The following L2HGDH variants were observed in gnomAD, a reference collection of about 807,000 sequenced individuals.
L2HGDH encodes the protein L-2-hydroxyglutarate dehydrogenase, also known as L-2-hydroxyglutarate dehydrogenase, mitochondrial.
A neutral mutation model predicts 51.5 loss-of-function variants in L2HGDH; 34 were observed. The observed-to-expected ratio is 0.66, with a 90% CI of 0.50 to 0.88. The LOEUF (loss-of-function observed/expected upper bound fraction) is 0.88. Among genes scored for constraint, L2HGDH ranks in the 40% least tolerant of loss-of-function variants. L2HGDH has a pLI of 0.00. For synonymous variants in L2HGDH, 198 were observed against 197.9 expected (o/e 1.00, Z -0.01); for missense variants, 558 against 571.9 (o/e 0.98, Z 0.25).
chr14:50,267,560 TTTTTTTTG>T (rs981640214), intron 8 of L2HGDH, among the ~76,000 whole-genome samples, 185 bp downstream of exon 8: 2 of 146,900 alleles, frequency 1.4e-5, no homozygotes, highest in African/African-American at 5.2e-5. Flanking sequence ...AAAGGCATTT[TTTTTTTTG>T]TTTGTTTGTT....
At position 50,242,807 on chromosome 14, in the gene L2HGDH, T is replaced by C. The variant is rs911575701; in HGVS notation, c.*4251A>G. On this transcript the variant is annotated 3_prime_UTR_variant, in exon 10 of 10. Transcript: ENST00000267436. ...TGTTTACAAGATCTTTAGATAATAG[T>C]GTATGCGCAGAAAGATGAGGAAACC... The C allele has an allele frequency of 1.0e-6, 1 of 985,232 alleles. No individual in the cohort carries two copies. The highest frequency in any genetic ancestry group is 1.2e-6 in the Non-Finnish European group (1 of 829,920). The allele number at this position is 985,232 out of a possible 1,614,324, so 61.0% of individuals were successfully genotyped here.
At chr14:50,259,210 C>T (rs915793992) in intron 9 of L2HGDH, among the ~76,000 whole-genome samples, 1 of 151,550 alleles carries the variant, frequency 6.6e-6, no homozygotes, top group Non-Finnish European at 1.5e-5. Flanking sequence ...CTCCTGGGCT[C>T]AGGCAATCCT....
At chr14:50,265,006 A>G (rs1263177763) in intron 9 of L2HGDH, among the ~76,000 whole-genome samples, 2 of 152,250 alleles carry the variant, frequency 1.3e-5, no homozygotes, top group East Asian at 3.8e-4. Context: ...CACAAGACTA[A>G]CTGGCCAGAG....
chr14:50,268,382 A>G (rs770553446), intron 7 of L2HGDH, among the ~76,000 whole-genome samples: 147 of 126,956 alleles, frequency 1.2e-3, no homozygotes, highest in Non-Finnish European at 1.9e-3. Context: ...CTGTCTCAGG[A>G]AAAAAAAAAA....
At chr14:50,284,299 T>A (rs1258019242) in intron 4 of L2HGDH, among the ~76,000 whole-genome samples, 3 of 152,244 alleles carry the variant, frequency 2.0e-5, no homozygotes, top group Non-Finnish European at 2.9e-5. Context: ...CCCAGTAGTA[T>A]ATACTATGTT....
intron 4 of L2HGDH, among the ~76,000 whole-genome samples, chr14:50,285,768 T>C (rs1890533623): frequency 6.6e-6 from 1 of 152,194 alleles, no homozygotes; most frequent in African/African-American, 2.4e-5. Context: ...CTCAAACATT[T>C]ACTGAAGGAT....
rs1378227443 is a variant in L2HGDH, at chr14:50,244,732, G to A, written c.*2326C>T. 3 of 985,306 alleles carry A rather than the reference G, an allele frequency of 3.0e-6. No homozygotes were observed. The highest frequency in any genetic ancestry group is 1.1e-4 in the East Asian group (1 of 8,832). 61.0% of individuals were successfully genotyped at this position (985,306 alleles called of 1,614,324 possible). On this transcript the variant is annotated 3_prime_UTR_variant, in exon 10 of 10. Transcript: ENST00000267436. ...TAATGGATGAGGTAGCTCAATCAATGTAATCATCAATGCTTGAAGTGAGGG... is the reference window on the plus strand; with the variant it reads ...TAATGGATGAGGTAGCTCAATCAATATAATCATCAATGCTTGAAGTGAGGG...
intron 3 of L2HGDH, among the ~76,000 whole-genome samples, chr14:50,295,703 T>G (rs2029995265): frequency 6.9e-6 from 1 of 145,726 alleles, no homozygotes; most frequent in South Asian, 2.3e-4. Context: ...ATTACAGGCA[T>G]AAGCCACTGA....
rs935442073 is a variant in L2HGDH at position 50,257,757 on chromosome 14, T to G, written c.1196+7601A>C. ...ACTAATTTGCCTAGTTCTTTTTTCT[T>G]TGGTTTTTTTTTTTCATGTTTTCAT... On this transcript the variant is annotated intron_variant, in intron 9 of 9. Coordinates refer to ENST00000267436, the MANE Select transcript of L2HGDH (RefSeq NM_024884.3). Among the ~76,000 whole-genome samples, 10 of 151,742 alleles carry G rather than the reference T, an allele frequency of 6.6e-5. 1 individual carries two copies. The highest frequency in any genetic ancestry group is 2.4e-4 in the African/African-American group (10 of 41,384).
chr14:50,311,720 C>A (rs993456148), intron 1 of L2HGDH, among the ~76,000 whole-genome samples: 3 of 152,216 alleles, frequency 2.0e-5, no homozygotes, highest in Non-Finnish European at 4.4e-5. Flanking sequence ...CACAACTGAG[C>A]CTTTAAGGAG....
intron 1 of L2HGDH, among the ~76,000 whole-genome samples, chr14:50,308,113 G>C (rs73277339): frequency 6.6e-6 from 1 of 152,086 alleles, no homozygotes; most frequent in South Asian, 2.1e-4. Flanking sequence ...TAGGCAGGCC[G>C]GGTGCGATGG....
intron 8 of L2HGDH, 129 bp downstream of exon 8, chr14:50,267,624 A>G (rs1889419984): frequency 1.4e-6 from 1 of 709,982 alleles, no homozygotes; most frequent in Non-Finnish European, 2.4e-6. Flanking sequence ...AATTTGGATT[A>G]ATACAACATT....
intron 8 of L2HGDH, among the ~76,000 whole-genome samples, chr14:50,267,220 C>T (rs1305229256): frequency 1.3e-5 from 2 of 151,334 alleles, no homozygotes; most frequent in African/African-American, 4.9e-5. Context: ...CTTGCTCTGT[C>T]GCCCAGGCTG....
intron 6 of L2HGDH, among the ~76,000 whole-genome samples, chr14:50,274,145 A>T (rs1265503286): frequency 1.4e-5 from 2 of 143,250 alleles, no homozygotes; most frequent in African/African-American, 5.1e-5. Flanking sequence ...CGGGCATGGC[A>T]GCACGTGCCT....
rs1595169898 is a variant in L2HGDH, at chr14:50,312,135, G to C, written c.16C>G (p.Arg6Gly). MVPAL[R>G]YLVGACGRAR... ...CGTCCGCAGGCACCAACCAAATAACGCAGCGCTGGCACCATCCCCTACGCA... is the reference window on the plus strand; with the variant it reads ...CGTCCGCAGGCACCAACCAAATAACCCAGCGCTGGCACCATCCCCTACGCA... The change falls in exon 1 of 10, where the codon CGT becomes GGT. Residue 6 changes from arginine (R) to glycine (G), a missense_variant. By Grantham distance (125) the Arg-to-Gly change is moderately radical (BLOSUM62 -2). Around this residue, in one of 3 missense-constraint regions of L2HGDH, gnomAD observed 194 missense variants for 187.2 expected, o/e 1.04. Coordinates refer to ENST00000267436, the MANE Select transcript of L2HGDH (RefSeq NM_024884.3). 1.9e-6 allele frequency: 3 copies of C among 1,610,178 alleles called. No homozygotes were observed. The highest frequency in any genetic ancestry group is 1.3e-5 in the African/African-American group (1 of 75,004).
chr14:50,267,895 A>C lies in L2HGDH; in HGVS notation c.922T>G (p.Phe308Val), dbSNP rs754349388. The C allele has an allele frequency of 2.5e-6, 4 of 1,614,090 alleles. No individual in the cohort carries two copies. The South Asian group carries it at 3.3e-5, about 13-fold the overall frequency. The change falls in exon 8 of 10, where the codon TTT (phenylalanine) becomes GTT (valine). Residue 308 changes from phenylalanine to valine, a missense_variant. Phe to Val is a conservative substitution (Grantham distance 50). Around this residue, in one of 3 missense-constraint regions of L2HGDH, gnomAD observed 321 missense variants for 311.8 expected, o/e 1.03. Transcript: ENST00000267436. ...GTGAAGTGAACTCCTAGGAAAGGAA[A>C]CCGGCTATCTGGGACCTATAAATTT... is the stretch of plus-strand genomic sequence containing the variant. ...GNIYPVPDSRFPFLGVHFTPR... is the reference protein window; with the variant it reads ...GNIYPVPDSRVPFLGVHFTPR...
intron 3 of L2HGDH, among the ~76,000 whole-genome samples, chr14:50,298,898 T>C (rs1030985927): frequency 6.6e-6 from 1 of 152,254 alleles, no homozygotes; most frequent in South Asian, 2.1e-4. Context: ...AAGAACTTCA[T>C]ATAATCTAAC....
chr14:50,282,531 G>A (rs189259866), intron 5 of L2HGDH: 1 of 455,948 alleles, frequency 2.2e-6, no homozygotes, highest in East Asian at 7.0e-5. Flanking sequence ...TGTGGGTCCA[G>A]TATAGTTCAG....
At chr14:50,268,711 T>A (rs2139980467) in intron 7 of L2HGDH, among the ~76,000 whole-genome samples, 1 of 152,314 alleles carries the variant, frequency 6.6e-6, no homozygotes, top group East Asian at 1.9e-4. Flanking sequence ...ATTCATTCAT[T>A]TCCAGGGTAG....
Sources: gnomAD v4.1 joint callset for allele counts (sites outside exome capture counted in the v4.1 genomes callset) on GRCh38, gnomAD v4.1.1 for gene constraint, gnomAD v4.1.1 regional missense constraint, MANE v1.5 for transcripts, NCBI Gene and HGNC (gene_info 2026-07-23, HGNC 2026-07-21) for gene names.